The following SDK2 variants were observed in gnomAD, a reference collection of about 807,000 sequenced individuals.
SDK2 encodes the protein protein sidekick-2.
A neutral mutation model predicts 253.9 loss-of-function variants in SDK2; 105 were observed. That is an observed-to-expected ratio of 0.41 (90% confidence interval 0.35 to 0.49). The LOEUF (loss-of-function observed/expected upper bound fraction) is 0.49, where lower values mean the gene tolerates loss of function less well. SDK2 is among the 20% of genes least tolerant of loss of function. The probability of loss-of-function intolerance (pLI) is 0.06; values close to 1 mark genes in which losing one functional copy is unlikely to be tolerated. For synonymous variants in SDK2, 1,249 were observed against 1,234.9 expected (o/e 1.01, Z -0.24); for missense variants, 2,608 against 3,003.0 (o/e 0.87, Z 3.07).
Position 73,643,964 on chromosome 17 carries a change from GCCCCTCCCCCGCCCACTCTCCCAGC to G in SDK2, c.64+36_64+60del. On this transcript the variant is annotated intron_variant, in intron 1 of 44. Coordinates refer to ENST00000392650, the MANE Select transcript of SDK2 (RefSeq NM_001144952.2). The surrounding 1 kb of genome is among the most constrained non-coding windows in gnomAD (Gnocchi z 6.9). Reference sequence around the variant, plus strand: ...ACCGTGAGGCCGGCCAGCTCCCGCCGCCCCTCCCCCGCCCACTCTCCCAGCCCCCTCCCTGTCCCCACGTGGGGGT... The same window carrying G: ...ACCGTGAGGCCGGCCAGCTCCCGCCGCCCCTCCCTGTCCCCACGTGGGGGT... 2 of 516,302 alleles carry G rather than the reference GCCCCTCCCCCGCCCACTCTCCCAGC, an allele frequency of 3.9e-6. No individual in the cohort carries two copies. Among genetic ancestry groups the G allele is most frequent in the Non-Finnish European group, 7.5e-6 (2 of 267,772 alleles). The allele number at this position is 516,302 out of a possible 1,614,324, so 32.0% of individuals were successfully genotyped here. A position where few individuals can be genotyped will look rare whatever the true frequency, so the allele number is the denominator to read the frequency against.
intron 1 of SDK2, among the ~76,000 whole-genome samples, chr17:73,554,077 G>A (rs1276061369): frequency 6.6e-6 from 1 of 152,084 alleles, no homozygotes; most frequent in East Asian, 1.9e-4. Context: ...TCCTAACCCT[G>A]GAGCAGATCC....
chr17:73,367,610 C>T (rs1400765275), intron 37 of SDK2, among the ~76,000 whole-genome samples: 1 of 152,126 alleles, frequency 6.6e-6, no homozygotes, highest in African/African-American at 2.4e-5. Flanking sequence ...TCAAGTGATT[C>T]TCCTGCCTCA....
intron 40 of SDK2, among the ~76,000 whole-genome samples, chr17:73,355,174 A>ATATATATATATATATATTTTTTT: frequency 2.1e-5 from 1 of 47,238 alleles, no homozygotes; most frequent in Non-Finnish European, 3.4e-5. Context: ...ATATATATAT[A>ATATATATATATATATATTTTTTT]TTTTTTTTTT....
chr17:73,519,293 AGAG>A (rs894366055), intron 1 of SDK2: 9 of 152,266 alleles, frequency 5.9e-5, no homozygotes, highest in African/African-American at 1.9e-4. Flanking sequence ...CCATCACCTA[AGAG>A]GAGGGAGAGA....
In SDK2 at chr17:73,612,645, G is replaced by C. The variant is rs942521773; in HGVS notation, c.64+31380C>G. Among the ~76,000 whole-genome samples the C allele has an allele frequency of 6.6e-6, 1 of 152,134 alleles. No individual in the cohort carries two copies. Among genetic ancestry groups the C allele is most frequent in the Non-Finnish European group, 1.5e-5 (1 of 68,020 alleles). On this transcript the variant is annotated intron_variant, in intron 1 of 44. Coordinates refer to ENST00000392650, the MANE Select transcript of SDK2 (RefSeq NM_001144952.2). The surrounding 1 kb of genome is among the most constrained non-coding windows in gnomAD (Gnocchi z 4.4). ...TAATAATAGTAACAGTAGGCCAGGC[G>C]AGGTGGCTCACACCTGTAATCCCAG... is the stretch of plus-strand genomic sequence containing the variant.
intron 36 of SDK2, among the ~76,000 whole-genome samples, chr17:73,378,806 T>A (rs971507487): frequency 2.6e-5 from 4 of 152,096 alleles, no homozygotes; most frequent in Non-Finnish European, 2.9e-5. Flanking sequence ...ATATTGTAAT[T>A]ATGGGGCCAA....
chr17:73,393,711 T>C lies in SDK2; in HGVS notation c.3747A>G (p.Arg1249=). 1.9e-6 allele frequency: 3 copies of C among 1,590,146 alleles called. No individual in the cohort carries two copies. The highest frequency in any genetic ancestry group is 2.6e-6 in the Non-Finnish European group (3 of 1,162,534). Residue 1249 remains arginine (R), a synonymous_variant, in exon 27 of 45, where the codon CGA becomes CGG. Transcript: ENST00000392650. ...ACGAGTTGCCTTCCACCAGCCAGAA[T>C]CGGGGCTGGGTGTCCGAGTCCTTCT... ...YKEKDSDTQP[R]FWLVEGNSSR...
intron 16 of SDK2, 67 bp from the exon 17 acceptor site, chr17:73,416,059 G>A: frequency 1.4e-6 from 2 of 1,446,302 alleles, no homozygotes; most frequent in Non-Finnish European, 1.9e-6. Flanking sequence ...CCAGGAAATT[G>A]TCCAGAGCAG....
chr17:73,382,969 C>T (rs1294394846), intron 33 of SDK2, among the ~76,000 whole-genome samples: 1 of 152,194 alleles, frequency 6.6e-6, no homozygotes, highest in Admixed American at 6.5e-5. Context: ...GCGGAGGTTG[C>T]AGTGAGCTGA....
At chr17:73,373,295 G>C (rs1194853988) in intron 36 of SDK2, among the ~76,000 whole-genome samples, 1 of 152,122 alleles carries the variant, frequency 6.6e-6, no homozygotes, top group Non-Finnish European at 1.5e-5. Flanking sequence ...TCCACATCTT[G>C]GCTACTGTGA....
At chr17:73,579,030 G>A (rs968272111) in intron 1 of SDK2, among the ~76,000 whole-genome samples, 3 of 152,136 alleles carry the variant, frequency 2.0e-5, no homozygotes, top group African/African-American at 7.2e-5. Context: ...CAGGGACCCA[G>A]GAGCCATCCC....
chr17:73,401,033 A>G lies in SDK2; in HGVS notation c.2958T>C (p.Ser986=), dbSNP rs1248841816. The G allele has an allele frequency of 6.4e-7, 1 of 1,574,470 alleles. No individual in the cohort carries two copies. ...QGQVSASTIS[S]GVPPELPGPP... is the part of the protein sequence containing the mutation. ...GTGGGCACTTACCTGGGGGCACCCC[A>G]GAGGAGATGGTGGAGGCGGACACTT... The change falls in exon 21 of 45, where the codon TCT becomes TCC. Residue 986 remains serine (S), a synonymous_variant. Coordinates refer to ENST00000392650, the MANE Select transcript of SDK2 (RefSeq NM_001144952.2).
chr17:73,401,735 G>A lies in SDK2; in HGVS notation c.2698C>T (p.His900Tyr). 6.3e-7 allele frequency: 1 copy of A among 1,582,228 alleles called. No individual in the cohort carries two copies. Among genetic ancestry groups the A allele is most frequent in the Non-Finnish European group, 8.6e-7 (1 of 1,163,134 alleles). Residue 900 changes from histidine (H) to tyrosine (Y), a missense_variant, in exon 20 of 45, where the codon CAC (histidine) becomes TAC (tyrosine). By Grantham distance (83) the His-to-Tyr change is moderately conservative (BLOSUM62 2). Around this residue, in one of 2 missense-constraint regions of SDK2, gnomAD observed 1,505 missense variants for 1,859.1 expected, o/e 0.81. Coordinates refer to ENST00000392650, the MANE Select transcript of SDK2 (RefSeq NM_001144952.2). The stretch of plus-strand genomic sequence containing the variant: ...TCCAGGATCTCACTGAAGCTCAGGT[G>A]TCCCACGGGCCCAGGCACTGCACCC... ...THEDVPGPVG[H>Y]LSFSEILDTS... is the part of the protein sequence containing the mutation.
rs1271859740 is a variant in SDK2, at chr17:73,464,625, G to A, written c.331+7487C>T. ...CTTCCCCACTCCACTTCAGCTACCT[G>A]GCCTCAGACACCCACATCTGCCTCA... is the stretch of plus-strand genomic sequence containing the variant. On this transcript the variant is annotated intron_variant, in intron 3 of 44. Coordinates refer to ENST00000392650, the MANE Select transcript of SDK2 (RefSeq NM_001144952.2). Among the ~76,000 whole-genome samples, 9 of 152,246 alleles carry A rather than the reference G, an allele frequency of 5.9e-5. No homozygotes were observed. The East Asian group carries it at 1.7e-3, about 29-fold the overall frequency.
chr17:73,512,544 C>A (rs2063988952), intron 1 of SDK2, among the ~76,000 whole-genome samples: 1 of 142,466 alleles, frequency 7.0e-6, no homozygotes, highest in Non-Finnish European at 1.6e-5. Flanking sequence ...CTCAAACACA[C>A]ACACATACAC....
intron 4 of SDK2, among the ~76,000 whole-genome samples, chr17:73,450,180 C>T (rs568783762): frequency 2.0e-5 from 3 of 152,146 alleles, no homozygotes; most frequent in Admixed American, 6.5e-5. Context: ...GGCTGGGGCA[C>T]GGGGTGAGCT....
intron 2 of SDK2, among the ~76,000 whole-genome samples, chr17:73,483,579 GTATA>G (rs935105987): frequency 7.4e-6 from 1 of 134,978 alleles, no homozygotes; most frequent in Non-Finnish European, 1.6e-5. Context: ...ATATGTATGT[GTATA>G]TATATGTATA....
At chr17:73,436,523 G>A (rs2063369819) in intron 8 of SDK2, among the ~76,000 whole-genome samples, 2 of 141,190 alleles carry the variant, frequency 1.4e-5, no homozygotes, top group Non-Finnish European at 3.0e-5. Context: ...GTTGCAGTGA[G>A]CCAAGATCGT....
intron 1 of SDK2, among the ~76,000 whole-genome samples, chr17:73,614,855 T>G (rs908767462): frequency 6.6e-5 from 10 of 151,172 alleles, no homozygotes; most frequent in Non-Finnish European, 1.2e-4. Context: ...GGACAAGGAT[T>G]GAAAAACTAC....
Sources: gnomAD v4.1 joint callset for allele counts (sites outside exome capture counted in the v4.1 genomes callset) on GRCh38, gnomAD v4.1.1 for gene constraint, gnomAD v4.1.1 regional missense constraint, Gnocchi (gnomAD v3.1) non-coding constraint, MANE v1.5 for transcripts, NCBI Gene and HGNC (gene_info 2026-07-23, HGNC 2026-07-21) for gene names.